Variants in PRDM1 observed in about 807,000 individuals in gnomAD.
PRDM1 encodes the protein PR/SET domain 1.
A neutral mutation model predicts 62.8 loss-of-function variants in PRDM1; 13 were observed. The observed-to-expected ratio is 0.21, with a 90% confidence interval of 0.13 to 0.33. PRDM1 has a LOEUF of 0.33. Among genes scored for constraint, PRDM1 ranks in the 10% least tolerant of loss-of-function variants. The pLI is 1.00. For synonymous variants in PRDM1, 396 were observed against 417.6 expected (o/e 0.95, Z 0.63); for missense variants, 895 against 1,058.8 (o/e 0.85, Z 2.15).
chr6:106,048,196 T>A (rs570138155), upstream of PRDM1, among the ~76,000 whole-genome samples: 11 of 128,308 alleles, frequency 8.6e-5, no homozygotes, highest in East Asian at 2.3e-3. Context: ...CCGGACAACG[T>A]AGGGAGACCC....
chr6:106,016,601 G>A (rs1016974324), intron 1 of PRDM1, among the ~76,000 whole-genome samples: 1 of 151,226 alleles, frequency 6.6e-6, no homozygotes, highest in Non-Finnish European at 1.5e-5. Flanking sequence ...CTTGAACAAG[G>A]GTTTGAACTT....
chr6:106,038,011 TG>T (rs1654474139), intron 1 of PRDM1, among the ~76,000 whole-genome samples: 1 of 113,102 alleles, frequency 8.8e-6, no homozygotes, highest in Non-Finnish European at 1.8e-5. Flanking sequence ...TTGCTATTTT[TG>T]TCTTTTTTTT....
intron 1 of PRDM1, among the ~76,000 whole-genome samples, chr6:106,038,014 C>CTTTTTTATTTTTT (rs1772945051): frequency 2.1e-5 from 1 of 47,800 alleles, no homozygotes; most frequent in Non-Finnish European, 3.5e-5. Context: ...CTATTTTTGT[C>CTTTTTTATTTTTT]TTTTTTTTTT....
chr6:106,106,850 A>G lies in PRDM1; in HGVS notation c.1903-61A>G, dbSNP rs1774506429. Reference sequence around the variant, plus strand: ...GGTAAGCCTGCCCCTCCCGTTGGCAACTCTTAATCTTCTGGCCTTCCTGTC... The same window carrying G: ...GGTAAGCCTGCCCCTCCCGTTGGCAGCTCTTAATCTTCTGGCCTTCCTGTC... On this transcript the variant is annotated intron_variant, in intron 6 of 6. Coordinates refer to ENST00000369096, the MANE Select transcript of PRDM1 (RefSeq NM_001198.4). This position sits in a 1 kb window ranked among gnomAD's most constrained non-coding sequence, Gnocchi z 4.4. 1.3e-6 allele frequency: 2 copies of G among 1,508,570 alleles called. No individual in the cohort carries two copies. The highest frequency in any genetic ancestry group is 1.4e-5 in the African/African-American group (1 of 72,200). 93.4% of individuals were successfully genotyped at this position (1,508,570 alleles called of 1,614,324 possible). A position where few individuals can be genotyped will look rare whatever the true frequency, so the allele number is the denominator to read the frequency against.
chr6:106,035,739 A>C (rs1344155509), intron 1 of PRDM1, among the ~76,000 whole-genome samples: 1 of 152,122 alleles, frequency 6.6e-6, no homozygotes, highest in Non-Finnish European at 1.5e-5. Flanking sequence ...TTTCACTTTC[A>C]ACTTATTTGT....
intron 1 of PRDM1, among the ~76,000 whole-genome samples, chr6:106,008,158 G>A (rs894616759): frequency 4.6e-5 from 7 of 152,112 alleles, no homozygotes; most frequent in Admixed American, 3.3e-4. Context: ...GGATCACGAG[G>A]TCAAGAGATC....
intron 1 of PRDM1, among the ~76,000 whole-genome samples, chr6:106,076,955 A>C (rs9320148): frequency 0.16 from 23,743 of 152,238 alleles, 2,331 homozygotes; most frequent in African/African-American, 0.29. Flanking sequence ...GAGTGGACAA[A>C]AGCAGACCCC....
chr6:106,088,666 C>T (rs1056903542), intron 2 of PRDM1, among the ~76,000 whole-genome samples: 1 of 152,148 alleles, frequency 6.6e-6, no homozygotes, highest in Non-Finnish European at 1.5e-5. Context: ...AATTAGTAAA[C>T]AGTTAAATAT....
At chr6:106,029,470 G>T (rs1158692087) in intron 1 of PRDM1, among the ~76,000 whole-genome samples, 1 of 152,104 alleles carries the variant, frequency 6.6e-6, no homozygotes, top group Non-Finnish European at 1.5e-5. Flanking sequence ...GTATGCACTT[G>T]TTTGTTTTGT....
rs1694056353 is a variant in PRDM1, at chr6:106,105,303, C to T, written c.1143C>T (p.Tyr381=). Reference sequence around the variant, plus strand: ...CCTACGCTTACTTGAACGCGTCCTACGGCACGGAAGGTTTGGGCTCCTACC... The same window carrying T: ...CCTACGCTTACTTGAACGCGTCCTATGGCACGGAAGGTTTGGGCTCCTACC... The part of the protein sequence containing the change: ...RDSYAYLNAS[Y]GTEGLGSYPG... Residue 381 remains tyrosine (Y), a synonymous_variant, in exon 5 of 7, where the codon TAC becomes TAT. Coordinates refer to ENST00000369096, the MANE Select transcript of PRDM1 (RefSeq NM_001198.4). 5.6e-6 allele frequency: 9 copies of T among 1,613,380 alleles called. No individual in the cohort carries two copies. The highest frequency in any genetic ancestry group is 7.6e-6 in the Non-Finnish European group (9 of 1,179,592).
chr6:106,092,917 G>A (rs1774002477), intron 2 of PRDM1, among the ~76,000 whole-genome samples: 1 of 152,144 alleles, frequency 6.6e-6, no homozygotes, highest in South Asian at 2.1e-4. Context: ...TTATCTATAG[G>A]TGTGAGTTTA....
intron 1 of PRDM1, among the ~76,000 whole-genome samples, chr6:106,032,480 C>T (rs764926767): frequency 1.3e-5 from 2 of 152,170 alleles, no homozygotes; most frequent in African/African-American, 4.8e-5. Context: ...TCTCTTTCAC[C>T]AGGCTAGAGT....
intron 1 of PRDM1, among the ~76,000 whole-genome samples, chr6:106,038,199 G>C (rs1234603016): frequency 6.6e-6 from 1 of 151,550 alleles, no homozygotes; most frequent in Non-Finnish European, 1.5e-5. Flanking sequence ...TGGCCAGGCT[G>C]GTTTCGAACT....
In PRDM1 at chr6:106,038,304, C is replaced by T. The variant is rs1582434435; in HGVS notation, c.-67+44665C>T. ...CCAGCCTGCTATTTTTGTCTTCATCCTATTTTGTTTTTTATTCTTGTAGGC... is the reference window on the plus strand; with the variant it reads ...CCAGCCTGCTATTTTTGTCTTCATCTTATTTTGTTTTTTATTCTTGTAGGC... On this transcript the variant is annotated intron_variant, in intron 1 of 6. Coordinates refer to the PRDM1 transcript ENST00000652320. Among the ~76,000 whole-genome samples the T allele has an allele frequency of 3.3e-5, 5 of 152,006 alleles. No individual in the cohort carries two copies. In the South Asian group the frequency reaches 1.0e-3, roughly 32 times the overall value.
chr6:106,000,178 A>G (rs1772411103), intron 1 of PRDM1, among the ~76,000 whole-genome samples: 1 of 152,222 alleles, frequency 6.6e-6, no homozygotes, highest in African/African-American at 2.4e-5. Context: ...ATACCAAAAA[A>G]CTATAGAGAA....
intron 1 of PRDM1, among the ~76,000 whole-genome samples, chr6:105,998,653 C>G (rs528769420): frequency 2.0e-5 from 3 of 152,008 alleles, no homozygotes; most frequent in Non-Finnish European, 4.4e-5. Context: ...AGTCAGACTT[C>G]GGGAAGCTAG....
At chr6:106,042,758 G>A (rs950193548) in intron 1 of PRDM1, among the ~76,000 whole-genome samples, 1 of 151,982 alleles carries the variant, frequency 6.6e-6, no homozygotes, top group East Asian at 1.9e-4. Context: ...TAGAACTCAC[G>A]GAGTTCTTCC....
rs1249244890 is a variant in PRDM1 at position 105,994,915 on chromosome 6, C to T, written c.-67+1276C>T. 6.6e-6 allele frequency among the ~76,000 whole-genome samples: 1 copy of T among 152,224 alleles called. No homozygotes were observed. Among genetic ancestry groups the T allele is most frequent in the African/African-American group, 2.4e-5 (1 of 41,466 alleles). On this transcript the variant is annotated intron_variant, in intron 1 of 6. Coordinates refer to the PRDM1 transcript ENST00000652320. The surrounding 1 kb of genome is among the most constrained non-coding windows in gnomAD (Gnocchi z 4.1). ...CGGCGCGCTTGTCGCGGGAGCCTCC[C>T]GGCTTGCGGAGGGCTTGAGTTTTTT...
At chr6:106,082,876 A>C (rs1773716583), upstream of PRDM1, among the ~76,000 whole-genome samples, 2 of 152,136 alleles carry the variant, frequency 1.3e-5, no homozygotes, top group African/African-American at 4.8e-5. Context: ...CATCATCGAA[A>C]CATATCGTAC....
Sources: gnomAD v4.1 joint callset for allele counts (sites outside exome capture counted in the v4.1 genomes callset) on GRCh38, gnomAD v4.1.1 for gene constraint, Gnocchi (gnomAD v3.1) non-coding constraint, MANE v1.5 for transcripts, NCBI Gene and HGNC (gene_info 2026-07-23, HGNC 2026-07-21) for gene names.